SDHA: variants seen among roughly 807,000 people sequenced by gnomAD.
SDHA encodes succinate dehydrogenase [ubiquinone] flavoprotein subunit, mitochondrial.
Under a neutral mutation model 78.4 loss-of-function variants are expected in SDHA, and 48 were observed. The observed-to-expected ratio is 0.61, with a 90% CI of 0.49 to 0.78. The LOEUF is 0.78. Among genes scored for constraint, SDHA ranks in the 30% least tolerant of loss-of-function variants. The pLI is 0.00. For synonymous variants in SDHA, 326 were observed against 353.9 expected (o/e 0.92, Z 0.88); for missense variants, 680 against 892.7 (o/e 0.76, Z 3.04).
At chr5:258,649 C>T (rs1468618909), downstream of SDHA, among the ~76,000 whole-genome samples, 18 of 119,478 alleles carry the variant, frequency 1.5e-4, no homozygotes, top group African/African-American at 7.9e-4. Flanking sequence ...CCCGCCAGAG[C>T]ATTACCGTGT....
the SDHA span, among the ~76,000 whole-genome samples, chr5:265,783 G>A: frequency 6.6e-6 from 1 of 151,122 alleles, no homozygotes; most frequent in Non-Finnish European, 1.5e-5. Context: ...GTGCGCCATT[G>A]CACTCCAGCC....
At chr5:259,241 C>T (rs1373211423), downstream of SDHA, among the ~76,000 whole-genome samples, 1 of 57,018 alleles carries the variant, frequency 1.8e-5, no homozygotes, top group Non-Finnish European at 3.1e-5. Context: ...TGAGCTCCGC[C>T]TCCCGTCACA....
intron 6 of SDHA, 48 bp from the exon 7 acceptor site, chr5:230,826 GGT>G (rs1491417989): frequency 1.7e-5 from 27 of 1,613,434 alleles, no homozygotes; most frequent in Non-Finnish European, 2.2e-5. Context: ...CCAGATAGGA[GGT>G]CCAGATGTGG....
At chr5:247,282 C>T (rs7720313) in intron 11 of SDHA, among the ~76,000 whole-genome samples, 36,557 of 152,096 alleles carry the variant, frequency 0.24, 6,844 homozygotes, top group African/African-American at 0.53. Flanking sequence ...CGATTTCATA[C>T]AGATGAACAA....
At chr5:218,452 CG>C (rs1186758655) in intron 1 of SDHA, 34 bp downstream of exon 1, 7 of 1,355,600 alleles carry the variant, frequency 5.2e-6, no homozygotes, top group Admixed American at 3.8e-5. Context: ...GCGGGGCAGG[CG>C]GGGGCCGAGG....
chr5:249,849 C>T (rs1454801129), intron 11 of SDHA: 2 of 152,144 alleles, frequency 1.3e-5, no homozygotes, highest in African/African-American at 4.8e-5. Context: ...ATAGAATTTC[C>T]AAACAATTCC....
intron 9 of SDHA, chr5:235,921 G>A (rs1735744504): frequency 4.2e-6 from 1 of 239,326 alleles, no homozygotes; most frequent in South Asian, 5.5e-5. Flanking sequence ...GTAACAGCAG[G>A]TGCTCAGGGG....
At chr5:261,806 A>C (rs371861401), downstream of SDHA, among the ~76,000 whole-genome samples, 6 of 2,184 alleles carry the variant, frequency 2.7e-3, no homozygotes, top group East Asian at 0.013. Context: ...CCGCCCCCCG[A>C]CAGAGCATTA....
intron 14 of SDHA, among the ~76,000 whole-genome samples, chr5:255,400 C>T (rs1269064922): frequency 6.6e-6 from 1 of 151,836 alleles, no homozygotes; most frequent in Non-Finnish European, 1.5e-5. Context: ...ATAGAAATCA[C>T]ACTTCACTCG....
At chr5:251,250 C>A (rs1226422521) in intron 12 of SDHA, 88 bp from the exon 13 acceptor site, 4 of 1,533,438 alleles carry the variant, frequency 2.6e-6, no homozygotes, top group African/African-American at 1.4e-5. Context: ...ACCAGTGACT[C>A]CATGGACTAG....
At chr5:224,741 G>T (rs1470825095) in intron 3 of SDHA, 4 of 585,660 alleles carry the variant, frequency 6.8e-6, no homozygotes, top group Non-Finnish European at 1.2e-5. Flanking sequence ...TCAGACTCCA[G>T]TCACACTTGG....
chr5:230,330 A>C (rs573673217), intron 6 of SDHA, among the ~76,000 whole-genome samples: 1 of 152,216 alleles, frequency 6.6e-6, no homozygotes, highest in African/African-American at 2.4e-5. Flanking sequence ...GCACAAAGCT[A>C]AAATACAAAT....
At chr5:255,473 TGAGATA>T (rs1737126526) in intron 14 of SDHA, among the ~76,000 whole-genome samples, 1 of 152,100 alleles carries the variant, frequency 6.6e-6, no homozygotes, top group Non-Finnish European at 1.5e-5. Context: ...TTTGTTTTTC[TGAGATA>T]GAGTCTCATC....
chr5:235,391 G>C, intron 9 of SDHA, 52 bp downstream of exon 9: 1 of 1,541,260 alleles, frequency 6.5e-7, no homozygotes, highest in Non-Finnish European at 9.0e-7. Flanking sequence ...GGGACGACGG[G>C]GCCCACCTCG....
chr5:218,523 C>CG (rs1734516664), intron 1 of SDHA, 105 bp downstream of exon 1: 1 of 872,130 alleles, frequency 1.1e-6, no homozygotes, highest in African/African-American at 1.8e-5. Flanking sequence ...CGGGTCCCTG[C>CG]GCCCTCTGTC....
the SDHA span, among the ~76,000 whole-genome samples, chr5:263,865 A>T: frequency 6.6e-6 from 1 of 152,228 alleles, no homozygotes; most frequent in African/African-American, 2.4e-5. Flanking sequence ...CCTCAAAAAA[A>T]ACTCTGGCAA....
rs535174842 is a variant in SDHA at position 239,229 on chromosome 5, A to C, written c.1433-1129A>C. Among the ~76,000 whole-genome samples the C allele has an allele frequency of 1.3e-4, 19 of 151,938 alleles. 2 individuals carry two copies. In the South Asian group the frequency reaches 3.5e-3, roughly 28 times the overall value. On this transcript the variant is annotated intron_variant, in intron 10 of 14. Transcript: ENST00000264932. ...AGAAAATATATATAACGTTATAAAA[A>C]AAACTTAAAAACTTTTTTCAAGACA...
rs1735544082 is a variant in SDHA, at chr5:233,486, G to A, written c.905G>A (p.Gly302Asp). The A allele has an allele frequency of 5.6e-6, 9 of 1,614,150 alleles. No homozygotes were observed. The highest frequency in any genetic ancestry group is 1.7e-4 in the Middle Eastern group (1 of 6,060). Residue 302 changes from glycine (G) to aspartate (D), a missense_variant, in exon 8 of 15, where the codon GGT becomes GAT. Transcript: ENST00000264932. The stretch of plus-strand genomic sequence containing the variant: ...GTGTGGTTTTTTGCAGGCATATATG[G>A]TGCTGGTTGTCTCATTACGGAAGGA... ...FVQFHPTGIY[G>D]AGCLITEGCR...
rs73024831 is a variant in SDHA, at chr5:257,077, A to G, written c.*657A>G. Reference sequence around the variant, plus strand: ...AGGTGCTGGAATTATAGGTGTGAACAAACCACCATGCCTGGCCTTGTAGTT... The same window carrying G: ...AGGTGCTGGAATTATAGGTGTGAACGAACCACCATGCCTGGCCTTGTAGTT... On this transcript the variant is annotated 3_prime_UTR_variant, in exon 15 of 15. Coordinates refer to ENST00000264932, the MANE Select transcript of SDHA (RefSeq NM_004168.4). Among the ~76,000 whole-genome samples the G allele has an allele frequency of 0.24, 36,415 of 151,936 alleles. 6,786 individuals are homozygous for G. The highest frequency in any genetic ancestry group is 0.52 in the African/African-American group (21,637 of 41,282).
Sources: allele counts gnomAD v4.1 joint callset (sites outside exome capture counted in the v4.1 genomes callset), GRCh38; gene constraint gnomAD v4.1.1; transcripts MANE v1.5; gene names NCBI Gene and HGNC (gene_info 2026-07-23, HGNC 2026-07-21).